Variants in LRRFIP2 observed in about 807,000 individuals in gnomAD.
LRRFIP2 encodes LRR binding FLII interacting protein 2.
LRRFIP2 carries 109 observed loss-of-function variants against 125.9 expected under a neutral mutation model. The observed-to-expected ratio is 0.87, with a 90% CI of 0.74 to 1.01. The LOEUF (loss-of-function observed/expected upper bound fraction) is 1.01, where lower values mean the gene tolerates loss of function less well. Ranked by LOEUF, LRRFIP2 falls within the 50% of genes least tolerant of loss-of-function variation. The probability of loss-of-function intolerance (pLI) is 0.00; values close to 1 mark genes in which losing one functional copy is unlikely to be tolerated. For missense variants in LRRFIP2, 850 were observed against 862.3 expected, an observed-to-expected ratio of 0.99 and a Z score of 0.18; for synonymous variants, 291 against 293.1, an observed-to-expected ratio of 0.99 and a Z score of 0.07.
At chr3:37,072,222 C>G (rs1378499613) in intron 21 of LRRFIP2, among the ~76,000 whole-genome samples, 4 of 152,042 alleles carry the variant, frequency 2.6e-5, no homozygotes, top group Admixed American at 6.6e-5. Flanking sequence ...GAAGGGAGGC[C>G]AGGCATGGTG....
In LRRFIP2 at chr3:37,118,520, C is replaced by T. The variant is rs184144109; in HGVS notation, c.330+2972G>A. 2.4e-3 allele frequency among the ~76,000 whole-genome samples: 372 copies of T among 152,248 alleles called. 1 individual carries two copies. Among genetic ancestry groups the T allele is most frequent in the Non-Finnish European group, 4.5e-3 (305 of 68,006 alleles). On this transcript the variant is annotated intron_variant, in intron 6 of 27. Transcript: ENST00000336686. ...CACAGATTGTTTCAATTCTAAATTC[C>T]TAACTTTGATTTAATCTTCCCTCCC...
At chr3:37,164,774 G>A (rs1020477423) in intron 1 of LRRFIP2, among the ~76,000 whole-genome samples, 6 of 151,496 alleles carry the variant, frequency 4.0e-5, no homozygotes, top group Non-Finnish European at 8.8e-5. Context: ...AGTTATGGTA[G>A]ACAAATTCTA....
intron 14 of LRRFIP2, 71 bp from the exon 15 acceptor site, chr3:37,103,084 C>A: frequency 2.5e-6 from 3 of 1,192,344 alleles, no homozygotes; most frequent in Middle Eastern, 1.9e-4. Flanking sequence ...AGAACATTGG[C>A]CAATTAGGGA....
At chr3:37,081,211 C>T (rs1335101258) in intron 19 of LRRFIP2, among the ~76,000 whole-genome samples, 3 of 152,120 alleles carry the variant, frequency 2.0e-5, no homozygotes, top group African/African-American at 7.2e-5. Context: ...CACTGCACTC[C>T]AGCCTGGGGA....
chr3:37,075,149 G>C, intron 19 of LRRFIP2, 33 bp from the exon 20 acceptor site: 1 of 1,460,592 alleles, frequency 6.8e-7, no homozygotes, highest in Non-Finnish European at 9.5e-7. Context: ...ATTTACACAG[G>C]TCATGGCACA....
At chr3:37,059,779 C>CT (rs1473958116) in intron 24 of LRRFIP2, among the ~76,000 whole-genome samples, 2 of 141,146 alleles carry the variant, frequency 1.4e-5, no homozygotes, top group Non-Finnish European at 3.1e-5. Context: ...GAGCGAGACT[C>CT]TGTCTCAAAA....
rs115352137 is a variant in LRRFIP2 at position 37,159,601 on chromosome 3, G to A, written c.-55-10563C>T. 4.1e-3 allele frequency among the ~76,000 whole-genome samples: 625 copies of A among 152,072 alleles called. 5 individuals carry two copies. Among genetic ancestry groups the A allele is most frequent in the African/African-American group, 0.014 (580 of 41,486 alleles). ...AGCTCAGTGTAACCTCCTTCTCCCT[G>A]ACTCAAGCAATTCTCCTACCTCAGC... On this transcript the variant is annotated intron_variant, in intron 1 of 27. Transcript: ENST00000336686.
intron 2 of LRRFIP2, among the ~76,000 whole-genome samples, chr3:37,140,159 C>G (rs1418991285): frequency 6.6e-6 from 1 of 152,068 alleles, no homozygotes; most frequent in Non-Finnish European, 1.5e-5. Context: ...CACATTTTTC[C>G]CTGCTAGCAT....
chr3:37,116,503 C>T (rs1158264862), intron 6 of LRRFIP2, among the ~76,000 whole-genome samples: 2 of 152,098 alleles, frequency 1.3e-5, no homozygotes, highest in African/African-American at 4.8e-5. Flanking sequence ...AAAGTAAGTG[C>T]AAATATTATT....
In LRRFIP2 at chr3:37,054,511, C is replaced by G; in HGVS notation, c.1955G>C (p.Ser652Thr). The G allele has an allele frequency of 1.2e-6, 2 of 1,612,614 alleles. No homozygotes were observed. The highest frequency in any genetic ancestry group is 8.5e-7 in the Non-Finnish European group (1 of 1,178,910). ...TCTCAGAACCTGTCCCTCAAGCCGGCTAATCTGTAAGTATGAGAACATAGG... is the reference window on the plus strand; with the variant it reads ...TCTCAGAACCTGTCCCTCAAGCCGGGTAATCTGTAAGTATGAGAACATAGG... ...QDITTLEQSI[S>T]RLEGQVLRYK... Residue 652 changes from serine to threonine, a missense_variant, in exon 27 of 28, where the codon AGC becomes ACC. Coordinates refer to ENST00000336686, the MANE Select transcript of LRRFIP2 (RefSeq NM_006309.4).
chr3:37,094,709 A>G, intron 17 of LRRFIP2, 83 bp downstream of exon 17: 1 of 817,476 alleles, frequency 1.2e-6, no homozygotes, highest in South Asian at 1.5e-5. Context: ...CTTTCTACTA[A>G]GTCACATTAA....
At chr3:37,094,267 T>C (rs927892475) in intron 17 of LRRFIP2, among the ~76,000 whole-genome samples, 4 of 152,212 alleles carry the variant, frequency 2.6e-5, no homozygotes, top group African/African-American at 9.6e-5. Flanking sequence ...TAAAGTTCTC[T>C]TTTTCCAAGT....
chr3:37,134,096 C>T (rs2095496408), intron 2 of LRRFIP2, among the ~76,000 whole-genome samples: 1 of 151,186 alleles, frequency 6.6e-6, no homozygotes, highest in Non-Finnish European at 1.5e-5. Context: ...GCAGAAGAAT[C>T]GCTTGAACCT....
At chr3:37,146,903 G>C (rs961045284) in intron 2 of LRRFIP2, among the ~76,000 whole-genome samples, 4 of 152,124 alleles carry the variant, frequency 2.6e-5, no homozygotes, top group African/African-American at 9.6e-5. Context: ...TAAGGCAAAA[G>C]AAACTATCAT....
At chr3:37,092,406 T>C (rs1167177168) in intron 17 of LRRFIP2, among the ~76,000 whole-genome samples, 1 of 152,232 alleles carries the variant, frequency 6.6e-6, no homozygotes, top group African/African-American at 2.4e-5. Context: ...TCCAGTAGGT[T>C]TGACTGTCTT....
intron 21 of LRRFIP2, among the ~76,000 whole-genome samples, chr3:37,070,981 C>G (rs927050120): frequency 6.6e-6 from 1 of 151,786 alleles, no homozygotes; most frequent in Non-Finnish European, 1.5e-5. Context: ...CTTTGCCCCA[C>G]GTTTTTTCAC....
rs543994123 is a variant in LRRFIP2 at position 37,164,594 on chromosome 3, G to A, written c.-56+9945C>T. 1.4e-3 allele frequency among the ~76,000 whole-genome samples: 215 copies of A among 151,928 alleles called. 2 individuals carry two copies. The Middle Eastern group carries it at 0.017, about 12-fold the overall frequency. ...TAGCCAGGCATGCATGGTGGCAGGC[G>A]CCTGTAATCTCAGCCACATGGGAGG... On this transcript the variant is annotated intron_variant, in intron 1 of 27. Transcript: ENST00000336686.
intron 4 of LRRFIP2, among the ~76,000 whole-genome samples, chr3:37,124,981 C>T (rs1469355849): frequency 4.6e-5 from 7 of 151,824 alleles, no homozygotes; most frequent in Admixed American, 2.0e-4. Flanking sequence ...AATAATACAT[C>T]GTCATTATCC....
At chr3:37,126,695 C>T (rs2095286542) in intron 4 of LRRFIP2, among the ~76,000 whole-genome samples, 1 of 151,714 alleles carries the variant, frequency 6.6e-6, no homozygotes, top group Non-Finnish European at 1.5e-5. Flanking sequence ...CCTGTCTCCA[C>T]TAAAAATACA....
Sources: gnomAD v4.1 joint callset for allele counts (sites outside exome capture counted in the v4.1 genomes callset) on GRCh38, gnomAD v4.1.1 for gene constraint, MANE v1.5 for transcripts, NCBI Gene and HGNC (gene_info 2026-07-23, HGNC 2026-07-21) for gene names.